Variants in REN observed in about 807,000 individuals in gnomAD.
REN encodes the protein renin, also known as angiotensin-forming enzyme.
Under a neutral mutation model 48.6 loss-of-function variants are expected in REN, and 42 were observed. The ratio of observed to expected loss-of-function variants is 0.86; its 90% confidence interval spans 0.68 to 1.12. The LOEUF is 1.12. Among genes scored for constraint, REN ranks in the 50% most tolerant of loss-of-function variants. REN has a pLI of 0.00. For missense variants in REN, 443 were observed against 527.3 expected (o/e 0.84, Z 1.57); for synonymous variants, 196 against 204.6 (o/e 0.96, Z 0.36).
intron 5 of REN, 47 bp downstream of exon 5, chr1:204,159,352 C>T: frequency 6.4e-7 from 1 of 1,560,090 alleles, no homozygotes; most frequent in Non-Finnish European, 8.8e-7. Context: ...CCCATCTCTT[C>T]TCCCCTCCTG....
In REN at chr1:204,159,524, G is replaced by T. The variant is rs777368574; in HGVS notation, c.564C>A (p.Ala188=). Residue 188 remains alanine (A), a synonymous_variant, in exon 5 of 10, where the codon GCC becomes GCA. Transcript: ENST00000272190. ...CCATGCCCACAACCCCATCAAACTC[G>T]GCCAGCATGAAGGGTAAGGCGGGCA... ...TEMPALPFML[A]EFDGVVGMGF... 1.2e-6 allele frequency: 2 copies of T among 1,614,112 alleles called. No individual in the cohort carries two copies. The highest frequency in any genetic ancestry group is 1.7e-5 in the Admixed American group (1 of 60,010).
At chr1:204,159,654 G>T in intron 4 of REN, 59 bp from the exon 5 acceptor site, 1 of 1,511,452 alleles carries the variant, frequency 6.6e-7, no homozygotes, top group Admixed American at 1.7e-5. Flanking sequence ...GTTGGAGTCT[G>T]GTCTGGGCTT....
At chr1:204,162,192 G>A (rs771338552) in intron 1 of REN, 29 bp from the exon 2 acceptor site, 1 of 1,612,884 alleles carries the variant, frequency 6.2e-7, no homozygotes, top group Non-Finnish European at 8.5e-7. Context: ...AGCAAAAATA[G>A]AAAAGTGCTG....
Position 204,156,597 on chromosome 1 carries a change from A to G in REN, c.818+80T>C. The G allele has an allele frequency of 6.4e-7, 1 of 1,564,644 alleles. No individual in the cohort carries two copies. The highest frequency in any genetic ancestry group is 1.4e-5 in the African/African-American group (1 of 73,988). On this transcript the variant is annotated intron_variant, in intron 7 of 9. Coordinates refer to ENST00000272190, the MANE Select transcript of REN (RefSeq NM_000537.4). The surrounding 1 kb of genome is among the most constrained non-coding windows in gnomAD (Gnocchi z 4.2). Reference sequence around the variant, plus strand: ...GCATTTGGAAAGAGGGCAGGATGGTAATGCAGTCCTTCCCCACCCTCCCCA... The same window carrying G: ...GCATTTGGAAAGAGGGCAGGATGGTGATGCAGTCCTTCCCCACCCTCCCCA...
In REN at chr1:204,166,295, C is replaced by A; in HGVS notation, c.-2G>T. ...AGGCATCCTTCTCCATCCATCCATG[C>A]TTCCCTCAGTCTGGGGCTCTCTCTG... On this transcript the variant is annotated 5_prime_UTR_variant, in exon 1 of 10. Transcript: ENST00000272190. 1 of 1,614,108 alleles carries A rather than the reference C, an allele frequency of 6.2e-7. No individual in the cohort carries two copies. Among genetic ancestry groups the A allele is most frequent in the Non-Finnish European group, 8.5e-7 (1 of 1,179,918 alleles).
chr1:204,163,016 A>G (rs1217652464), intron 1 of REN, among the ~76,000 whole-genome samples: 2 of 152,214 alleles, frequency 1.3e-5, no homozygotes, highest in Non-Finnish European at 2.9e-5. Flanking sequence ...AGAAATGTTG[A>G]AGCAGGGATT....
chr1:204,165,229 C>T (rs1355689449), intron 1 of REN, among the ~76,000 whole-genome samples: 1 of 152,176 alleles, frequency 6.6e-6, no homozygotes, highest in Non-Finnish European at 1.5e-5. Context: ...CCTCGGCCTC[C>T]CAAAGTGTTG....
intron 9 of REN, among the ~76,000 whole-genome samples, 167 bp downstream of exon 9, chr1:204,155,653 G>A (rs184189039): frequency 6.8e-4 from 103 of 152,208 alleles, no homozygotes; most frequent in African/African-American, 2.4e-3. Context: ...TAATAGGTAT[G>A]GGATGTGGCC....
rs1452908956 is a variant in REN at position 204,159,464 on chromosome 1, A to G, written c.624T>C (p.Pro208=). 8 of 1,614,166 alleles carry G rather than the reference A, an allele frequency of 5.0e-6. No individual in the cohort carries two copies. Among genetic ancestry groups the G allele is most frequent in the East Asian group, 4.5e-5 (2 of 44,858 alleles). ...CTTGGGAGATGATGTTGTCGAAGAT[A>G]GGGGTGACCCTGCCAATGGCCTGTT... The part of the protein sequence containing the change: ...FIEQAIGRVT[P]IFDNIISQGV... Residue 208 remains proline (P), a synonymous_variant, in exon 5 of 10, where the codon CCT becomes CCC. Transcript: ENST00000272190.
In REN at chr1:204,156,362, A is replaced by G. The variant is rs1338218086; in HGVS notation, c.819-43T>C. 6.4e-7 allele frequency: 1 copy of G among 1,557,384 alleles called. No individual in the cohort carries two copies. The highest frequency in any genetic ancestry group is 8.7e-7 in the Non-Finnish European group (1 of 1,145,508). On this transcript the variant is annotated intron_variant, in intron 7 of 9. Transcript: ENST00000272190. The surrounding 1 kb of genome is among the most constrained non-coding windows in gnomAD (Gnocchi z 4.2). ...CAGACAGACAGACAGACAGACAGACAGAAGGCTGATGGGGCACCTCCAGGC... is the reference window on the plus strand; with the variant it reads ...CAGACAGACAGACAGACAGACAGACGGAAGGCTGATGGGGCACCTCCAGGC...
Position 204,166,273 on chromosome 1 carries a change from C to T in REN, c.21G>A (p.Met7Ile), listed in dbSNP as rs1658348144. 6.2e-7 allele frequency: 1 copy of T among 1,614,204 alleles called. No individual in the cohort carries two copies. The highest frequency in any genetic ancestry group is 8.5e-7 in the Non-Finnish European group (1 of 1,180,030). Reference protein sequence around the residue: MDGWRRMPRWGLLLLLW... With the variant: MDGWRRIPRWGLLLLLW... ...GCAGCAGCAGCAGTCCCCAGCGAGG[C>T]ATCCTTCTCCATCCATCCATGCTTC... is the stretch of plus-strand genomic sequence containing the variant. The change falls in exon 1 of 10, where the codon ATG becomes ATA. Residue 7 changes from methionine to isoleucine, a missense_variant. Physicochemically the swap from Met to Ile is conservative, Grantham distance 10. Coordinates refer to ENST00000272190, the MANE Select transcript of REN (RefSeq NM_000537.4).
At chr1:204,161,492 G>A (rs1331384328) in intron 2 of REN, 77 bp from the exon 3 acceptor site, 4 of 1,339,964 alleles carry the variant, frequency 3.0e-6, no homozygotes, top group East Asian at 5.4e-5. Context: ...TTCACTCTTG[G>A]CTCTCGGTGT....
At position 204,159,385 on chromosome 1, in the gene REN, G is replaced by C. The variant is rs1376269679; in HGVS notation, c.689+14C>G. The C allele has an allele frequency of 6.2e-7, 1 of 1,612,212 alleles. No homozygotes were observed. The highest frequency in any genetic ancestry group is 8.5e-7 in the Non-Finnish European group (1 of 1,178,666). On this transcript the variant is annotated intron_variant, in intron 5 of 9. Coordinates refer to ENST00000272190, the MANE Select transcript of REN (RefSeq NM_000537.4). ...CTGTCCCCCCACCTCAGCCCTTGGA[G>C]TCCCAGTCCCCACCTGTTGTAGTAG...
intron 9 of REN, 114 bp from the exon 10 acceptor site, chr1:204,155,291 C>A (rs1388375110): frequency 8.1e-7 from 1 of 1,241,438 alleles, no homozygotes; most frequent in Non-Finnish European, 1.2e-6. Context: ...CCCCATCTCT[C>A]CCCTAGCCAC....
Position 204,155,807 on chromosome 1 carries a change from A to G in REN, c.1059+13T>C. On this transcript the variant is annotated intron_variant, in intron 9 of 9. Transcript: ENST00000272190. ...TTTCTCCCTGCCACCGAGGGGGCCGACTCGAACCTCACCTGAAATACATAG... is the reference window on the plus strand; with the variant it reads ...TTTCTCCCTGCCACCGAGGGGGCCGGCTCGAACCTCACCTGAAATACATAG... 1 of 1,607,978 alleles carries G rather than the reference A, an allele frequency of 6.2e-7. No individual in the cohort carries two copies. The highest frequency in any genetic ancestry group is 1.7e-4 in the Middle Eastern group (1 of 6,054).
chr1:204,155,883 G>A lies in REN; in HGVS notation c.996C>T (p.Pro332=), dbSNP rs753460481. The A allele has an allele frequency of 3.8e-5, 62 of 1,613,904 alleles. No individual in the cohort carries two copies. The highest frequency in any genetic ancestry group is 2.5e-4 in the South Asian group (23 of 91,062). The change falls in exon 9 of 10, where the codon CCC becomes CCT. Residue 332 remains proline, a synonymous_variant. Transcript: ENST00000272190. ...TGCCTCCCAGGTGGAAAGAGATGTC[G>A]GGGAGTGTAGGGCCCTCGTTACACT... ...VVKCNEGPTL[P]DISFHLGGKE...
At chr1:204,158,427 T>C (rs1658188432) in intron 5 of REN, among the ~76,000 whole-genome samples, 1 of 148,598 alleles carries the variant, frequency 6.7e-6, no homozygotes, top group African/African-American at 2.5e-5. Flanking sequence ...TTTTTTTTTT[T>C]TTTTTTTTGA....
rs776801625 is a variant in REN, at chr1:204,155,169, G to A, written c.1068C>T (p.Tyr356=). 1.4e-5 allele frequency: 22 copies of A among 1,614,124 alleles called. No individual in the cohort carries two copies. The highest frequency in any genetic ancestry group is 1.9e-5 in the Non-Finnish European group (22 of 1,179,972). Reference sequence around the variant, plus strand: ...CCAGTGTGCACAGCTTTTTACTACTGTAGGATTCCTGGCAGGAAGGGGGAG... The same window carrying A: ...CCAGTGTGCACAGCTTTTTACTACTATAGGATTCCTGGCAGGAAGGGGGAG... ...TSADYVFQES[Y]SSKKLCTLAI... Residue 356 remains tyrosine (Y), a synonymous_variant, in exon 10 of 10, where the codon TAC becomes TAT. Transcript: ENST00000272190.
At chr1:204,165,438 G>A (rs1016351450) in intron 1 of REN, among the ~76,000 whole-genome samples, 5 of 152,156 alleles carry the variant, frequency 3.3e-5, no homozygotes, top group Non-Finnish European at 1.5e-5. Flanking sequence ...ACTGAGACTT[G>A]GAGAGGTTAA....
Sources: gnomAD v4.1 joint callset for allele counts (sites outside exome capture counted in the v4.1 genomes callset) on GRCh38, gnomAD v4.1.1 for gene constraint, Gnocchi (gnomAD v3.1) non-coding constraint, MANE v1.5 for transcripts, NCBI Gene and HGNC (gene_info 2026-07-23, HGNC 2026-07-21) for gene names.